PTPRD: variants seen among roughly 807,000 people sequenced by gnomAD.
PTPRD encodes protein tyrosine phosphatase receptor type D, also known as receptor-type tyrosine-protein phosphatase delta.
In PTPRD, 34 loss-of-function variants were observed where a neutral mutation model predicts 214.5. The ratio of observed to expected loss-of-function variants is 0.16; its 90% CI spans 0.12 to 0.21. PTPRD has a LOEUF of 0.21. Among genes scored for constraint, PTPRD ranks in the 10% least tolerant of loss-of-function variants. The pLI is 1.00. For synonymous variants in PTPRD, 1,128 were observed against 845.7 expected, an observed-to-expected ratio of 1.33 and a Z score of -5.79; for missense variants, 2,545 against 2,398.7, an observed-to-expected ratio of 1.06 and a Z score of -1.27.
intron 11 of PTPRD, among the ~76,000 whole-genome samples, chr9:8,930,034 A>C (rs965004639): frequency 2.6e-5 from 4 of 151,760 alleles, no homozygotes; most frequent in African/African-American, 9.7e-5. Context: ...ATATGTATAC[A>C]TGTACCATGT....
intron 8 of PTPRD, among the ~76,000 whole-genome samples, chr9:9,560,168 G>A (rs1457954865): frequency 3.3e-5 from 5 of 152,196 alleles, no homozygotes; most frequent in Non-Finnish European, 7.3e-5. Flanking sequence ...CACTAAGTCT[G>A]TACATGACTG....
chr9:8,555,417 A>C (rs1406738701), intron 14 of PTPRD, among the ~76,000 whole-genome samples: 1 of 152,232 alleles, frequency 6.6e-6, no homozygotes, highest in Non-Finnish European at 1.5e-5. Context: ...ACTAAAAGGG[A>C]GTAAAAGCAA....
At chr9:10,587,689 A>G (rs1259765723) in intron 2 of PTPRD, among the ~76,000 whole-genome samples, 2 of 152,088 alleles carry the variant, frequency 1.3e-5, no homozygotes, top group Non-Finnish European at 2.9e-5. Flanking sequence ...TCTGGTTTAT[A>G]CCTGCTCACT....
At chr9:9,780,683 A>G (rs1031925739) in intron 5 of PTPRD, among the ~76,000 whole-genome samples, 9 of 152,212 alleles carry the variant, frequency 5.9e-5, no homozygotes, top group African/African-American at 2.2e-4. Context: ...ACACCTAGGT[A>G]TTTATCAGAA....
In PTPRD at chr9:8,460,419, A is replaced by G. The variant is rs1274705549; in HGVS notation, c.3867T>C (p.Leu1289=). 6.2e-7 allele frequency: 1 copy of G among 1,610,644 alleles called. No individual in the cohort carries two copies. Among genetic ancestry groups the G allele is most frequent in the South Asian group, 1.1e-5 (1 of 90,032 alleles). The change falls in exon 33 of 46, where the codon CTT becomes CTC. Residue 1289 remains leucine (L), a synonymous_variant. Coordinates refer to ENST00000381196, the MANE Select transcript of PTPRD (RefSeq NM_002839.4). ...FIICIVIAIL[L]YKRKRAESDS... The stretch of plus-strand genomic sequence containing the variant: ...ATATTGGGCAAACCTACCTTTTATA[A>G]AGAAGAATAGCAATGACAATGCAGA...
chr9:9,389,228 C>T (rs968005722), intron 9 of PTPRD, among the ~76,000 whole-genome samples: 1 of 152,108 alleles, frequency 6.6e-6, no homozygotes, highest in Non-Finnish European at 1.5e-5. Flanking sequence ...TAGTAAAACG[C>T]AGCTGGGCGC....
chr9:10,334,043 T>C (rs545628027), intron 3 of PTPRD, among the ~76,000 whole-genome samples: 1 of 151,868 alleles, frequency 6.6e-6, no homozygotes, highest in African/African-American at 2.4e-5. Flanking sequence ...GGCAAGTATA[T>C]ATAGTGGAAA....
At chr9:9,564,006 G>A (rs913524656) in intron 8 of PTPRD, among the ~76,000 whole-genome samples, 1 of 152,092 alleles carries the variant, frequency 6.6e-6, no homozygotes, top group Non-Finnish European at 1.5e-5. Flanking sequence ...AACTGAGTAG[G>A]TGAGAGCTTG....
At chr9:10,255,098 C>A (rs1222453586) in intron 3 of PTPRD, among the ~76,000 whole-genome samples, 2 of 152,098 alleles carry the variant, frequency 1.3e-5, no homozygotes, top group Admixed American at 1.3e-4. Flanking sequence ...GTTTAATTTG[C>A]CAAGTATAGT....
chr9:10,103,636 A>C (rs1339563835), intron 3 of PTPRD, among the ~76,000 whole-genome samples: 1 of 151,172 alleles, frequency 6.6e-6, no homozygotes, highest in African/African-American at 2.4e-5. Flanking sequence ...TGAAGGTCTG[A>C]GGGTTCATTG....
chr9:8,489,356 C>A (rs1209021186), intron 27 of PTPRD, among the ~76,000 whole-genome samples: 1 of 152,176 alleles, frequency 6.6e-6, no homozygotes, highest in Non-Finnish European at 1.5e-5. Flanking sequence ...AGAGCATTAG[C>A]TCTGACCTAC....
Position 8,317,839 on chromosome 9 carries a change from G to C in PTPRD, c.*35C>G. The C allele has an allele frequency of 6.3e-7, 1 of 1,593,046 alleles. No homozygotes were observed. The highest frequency in any genetic ancestry group is 8.6e-7 in the Non-Finnish European group (1 of 1,161,684). On this transcript the variant is annotated 3_prime_UTR_variant, in exon 46 of 46. Coordinates refer to ENST00000381196, the MANE Select transcript of PTPRD (RefSeq NM_002839.4). ...GAAGAGACTCCATGGATATTGAAGG[G>C]CCTGTAGTAAAAATCCAGAATGGGT...
chr9:8,819,535 C>T (rs2096999666), intron 11 of PTPRD, among the ~76,000 whole-genome samples: 1 of 152,018 alleles, frequency 6.6e-6, no homozygotes, highest in African/African-American at 2.4e-5. Flanking sequence ...GTGGCACATG[C>T]CTGTAGTCCC....
At chr9:8,772,343 T>A (rs1358408204) in intron 11 of PTPRD, among the ~76,000 whole-genome samples, 1 of 151,770 alleles carries the variant, frequency 6.6e-6, no homozygotes, top group East Asian at 1.9e-4. Flanking sequence ...GGTTTTTAAA[T>A]ATTTGCATGT....
chr9:9,723,492 A>T (rs116022834), intron 7 of PTPRD, among the ~76,000 whole-genome samples: 13 of 152,018 alleles, frequency 8.6e-5, no homozygotes, highest in African/African-American at 3.1e-4. Flanking sequence ...TCTTTTTTAA[A>T]GATTTGGCTA....
At chr9:10,170,150 G>A (rs1564290848) in intron 3 of PTPRD, among the ~76,000 whole-genome samples, 1 of 152,114 alleles carries the variant, frequency 6.6e-6, no homozygotes, top group Non-Finnish European at 1.5e-5. Context: ...TCACATGCAG[G>A]CAGCACTGGA....
At chr9:8,947,039 T>C (rs1276061856) in intron 11 of PTPRD, among the ~76,000 whole-genome samples, 1 of 150,310 alleles carries the variant, frequency 6.7e-6, no homozygotes, top group African/African-American at 2.4e-5. Context: ...CTTTTTTTTT[T>C]TTTGTGTGTG....
chr9:8,940,761 C>T (rs2099028587), intron 11 of PTPRD, among the ~76,000 whole-genome samples: 1 of 152,036 alleles, frequency 6.6e-6, no homozygotes. Flanking sequence ...GACTTCACTA[C>T]CCCTTTCAGT....
intron 2 of PTPRD, among the ~76,000 whole-genome samples, chr9:10,361,343 G>C (rs1565538060): frequency 6.6e-6 from 1 of 152,058 alleles, no homozygotes; most frequent in Non-Finnish European, 1.5e-5. Context: ...TAACCCCCTG[G>C]TGTTATCGAA....
Sources: allele counts gnomAD v4.1 joint callset (sites outside exome capture counted in the v4.1 genomes callset), GRCh38; gene constraint gnomAD v4.1.1; transcripts MANE v1.5; gene names NCBI Gene and HGNC (gene_info 2026-07-23, HGNC 2026-07-21).